The following OR2T11 variants were observed in gnomAD, a reference collection of about 807,000 sequenced individuals.
OR2T11 encodes the protein olfactory receptor 2T11.
Under a neutral mutation model 13.5 loss-of-function variants are expected in OR2T11, and 14 were observed. The observed-to-expected ratio is 1.04, with a 90% CI of 0.69 to 1.62. OR2T11 has a LOEUF of 1.62. Ranked by LOEUF, OR2T11 falls within the 40% of genes most tolerant of loss-of-function variation. The pLI is 0.00. For synonymous variants in OR2T11, 163 were observed against 154.6 expected (o/e 1.05, Z -0.40); for missense variants, 410 against 389.7 (o/e 1.05, Z -0.44).
Position 248,630,425 on chromosome 1 carries a change from TCA to T in OR2T11, c.-144-3155_-144-3154del, listed in dbSNP as rs1414000185. On this transcript the variant is annotated intron_variant, in intron 1 of 1. Transcript: ENST00000641193. ...AGAGTAATTAAGATGTCAGCATAATTCACAAAAAAAGGAGGGACTTGCCACTT... is the reference window on the plus strand; with the variant it reads ...AGAGTAATTAAGATGTCAGCATAATTCAAAAAAAGGAGGGACTTGCCACTT... Among the ~76,000 whole-genome samples the T allele has an allele frequency of 7.2e-4, 8 of 11,060 alleles. 1 individual carries two copies. Among genetic ancestry groups the T allele is most frequent in the Non-Finnish European group, 6.9e-3 (8 of 1,162 alleles). 7.3% of individuals were successfully genotyped at this position (11,060 alleles called of 152,430 possible).
Position 248,627,034 on chromosome 1 carries a change from A to G in OR2T11, c.95T>C (p.Phe32Ser), listed in dbSNP as rs1481942709. Residue 32 changes from phenylalanine (F) to serine (S), a missense_variant, in exon 2 of 2, where the codon TTC becomes TCC. Coordinates refer to ENST00000641193, the MANE Select transcript of OR2T11 (RefSeq NM_001001964.2). ...GIVFTVILAV[F>S]LGAVTANLVM... is the part of the protein sequence containing the mutation. ...CAAATTTGCAGTCACGGCCCCCAAG[A>G]AAACAGCAAGGATCACTGTAAATAC... The G allele has an allele frequency of 5.1e-6, 8 of 1,570,316 alleles. 1 individual carries two copies. The highest frequency in any genetic ancestry group is 3.0e-5 in the African/African-American group (2 of 66,370).
chr1:248,626,556 C>A lies in OR2T11; in HGVS notation c.573G>T (p.Leu191Phe). The A allele has an allele frequency of 1.3e-6, 2 of 1,570,964 alleles. No individual in the cohort carries two copies. Among genetic ancestry groups the A allele is most frequent in the Non-Finnish European group, 1.7e-6 (2 of 1,154,724 alleles). Reference sequence around the variant, plus strand: ...AGCAGATGTACATCAGAGTTTCATACAAGGACGTGTCTGCACAGGCCAGTT... The same window carrying A: ...AGCAGATGTACATCAGAGTTTCATAAAAGGACGTGTCTGCACAGGCCAGTT... Reference protein sequence around the residue: ...VLKLACADTSLYETLMYICCV... With the variant: ...VLKLACADTSFYETLMYICCV... The change falls in exon 2 of 2, where the codon TTG becomes TTT. Residue 191 changes from leucine to phenylalanine, a missense_variant. By Grantham distance (22) the Leu-to-Phe change is conservative. Coordinates refer to ENST00000641193, the MANE Select transcript of OR2T11 (RefSeq NM_001001964.2).
rs780890748 is a variant in OR2T11, at chr1:248,623,803, C to T, written c.*2375G>A. The T allele has an allele frequency of 7.0e-5, 10 of 142,588 alleles. 3 individuals are homozygous for T. The highest frequency in any genetic ancestry group is 2.0e-4 in the East Asian group (1 of 4,954). 8.8% of individuals were successfully genotyped at this position (142,588 alleles called of 1,614,324 possible). A position where few individuals can be genotyped will look rare whatever the true frequency, so the allele number is the denominator to read the frequency against. ...ACCATCCCGAACACACATCATGAAT[C>T]GTCTGACAAATGTGCTGTGCTAAAT... On this transcript the variant is annotated 3_prime_UTR_variant, in exon 2 of 2. Transcript: ENST00000641193.
Position 248,634,460 on chromosome 1 carries a change from ATGC to A in OR2T11, c.-145+575_-145+577del, listed in dbSNP as rs749660813. Among the ~76,000 whole-genome samples, 7 of 143,016 alleles carry A rather than the reference ATGC, an allele frequency of 4.9e-5. 1 individual carries two copies. The highest frequency in any genetic ancestry group is 2.2e-4 in the South Asian group (1 of 4,568). The allele number at this position is 143,016 out of a possible 152,430, so 93.8% of individuals were successfully genotyped here. ...GATTTAGAAGGAAGCACACAGTGAA[ATGC>A]TGCTAAGTGTGTGACATGGTCACGG... On this transcript the variant is annotated intron_variant, in intron 1 of 1. Coordinates refer to ENST00000641193, the MANE Select transcript of OR2T11 (RefSeq NM_001001964.2).
intron 1 of OR2T11, among the ~76,000 whole-genome samples, chr1:248,630,811 A>G (rs1321115686): frequency 2.1e-5 from 3 of 143,656 alleles, no homozygotes; most frequent in Admixed American, 2.0e-4. Context: ...ACCGATGAAT[A>G]TGCTCTCTTA....
In OR2T11 at chr1:248,627,161, G is replaced by A. The variant is rs1233316689; in HGVS notation, c.-33C>T. On this transcript the variant is annotated 5_prime_UTR_variant, in exon 2 of 2. Coordinates refer to ENST00000641193, the MANE Select transcript of OR2T11 (RefSeq NM_001001964.2). ...GCCCACGAGCGTCCCAGGGCAACGG[G>A]AAGACACAAGGACCAGGAAGGAGGC... 1 of 1,252,378 alleles carries A rather than the reference G, an allele frequency of 8.0e-7. No homozygotes were observed. The highest frequency in any genetic ancestry group is 1.1e-6 in the Non-Finnish European group (1 of 879,944). The allele number at this position is 1,252,378 out of a possible 1,614,324, so 77.6% of individuals were successfully genotyped here.
chr1:248,626,188 C>G lies in OR2T11; in HGVS notation c.941G>C (p.Ser314Thr). 1 of 1,496,464 alleles carries G rather than the reference C, an allele frequency of 6.7e-7. No individual in the cohort carries two copies. The allele number at this position is 1,496,464 out of a possible 1,614,324, so 92.7% of individuals were successfully genotyped here. A position where few individuals can be genotyped will look rare whatever the true frequency, so the allele number is the denominator to read the frequency against. ...CTGGGCAGTGACTCTCTAAGCATCA[C>G]TTGTTGCTACTTTCTGAGCAGATGA... ...CCSSAQKVAT[S>T]DA Residue 314 changes from serine to threonine, a missense_variant, in exon 2 of 2, where the codon AGT (serine) becomes ACT (threonine). Transcript: ENST00000641193.
Position 248,634,724 on chromosome 1 carries a change from GC to G in OR2T11, c.-145+313del, listed in dbSNP as rs1660662304. Reference sequence around the variant, plus strand: ...TTTCACAGAATTGTCAGAATTCTTAGCAGAACTTCACTTCATTTAAAGTCAG... The same window carrying G: ...TTTCACAGAATTGTCAGAATTCTTAGAGAACTTCACTTCATTTAAAGTCAG... On this transcript the variant is annotated intron_variant, in intron 1 of 1. Transcript: ENST00000641193. 2.2e-4 allele frequency among the ~76,000 whole-genome samples: 4 copies of G among 17,840 alleles called. 1 individual carries two copies. The highest frequency in any genetic ancestry group is 1.3e-3 in the Non-Finnish European group (3 of 2,354). 11.7% of individuals were successfully genotyped at this position (17,840 alleles called of 152,430 possible). A position where few individuals can be genotyped will look rare whatever the true frequency, so the allele number is the denominator to read the frequency against.
intron 1 of OR2T11, among the ~76,000 whole-genome samples, chr1:248,633,569 CAG>C (rs1376956120): frequency 7.2e-6 from 1 of 139,128 alleles, no homozygotes; most frequent in Non-Finnish European, 1.5e-5. Flanking sequence ...TACAGGGAGA[CAG>C]AAAAGCAGTT....
chr1:248,625,310 G>A lies in OR2T11; in HGVS notation c.*868C>T, dbSNP rs1391804421. ...TTTGTTCTATTTTCCTACACTGTAG[G>A]CATAGTGATGCTTTAAAAACGTGTC... On this transcript the variant is annotated 3_prime_UTR_variant, in exon 2 of 2. Transcript: ENST00000641193. The A allele has an allele frequency of 3.5e-5, 5 of 143,068 alleles. No individual in the cohort carries two copies. Among genetic ancestry groups the A allele is most frequent in the African/African-American group, 1.4e-4 (5 of 36,198 alleles). The allele number at this position is 143,068 out of a possible 1,614,324, so 8.9% of individuals were successfully genotyped here.
intron 1 of OR2T11, among the ~76,000 whole-genome samples, chr1:248,627,498 C>T (rs1660542274): frequency 7.0e-6 from 1 of 142,708 alleles, no homozygotes; most frequent in African/African-American, 2.8e-5. Context: ...TTATCCAGCC[C>T]ATAGTAGGGT....
Position 248,627,088 on chromosome 1 carries a change from A to T in OR2T11, c.41T>A (p.Leu14His). The T allele has an allele frequency of 6.4e-7, 1 of 1,567,738 alleles. No individual in the cohort carries two copies. The highest frequency in any genetic ancestry group is 1.1e-5 in the South Asian group (1 of 88,698). Reference protein sequence around the residue: ...TSSSDFTLLGLLVNSEAAGIV... With the variant: ...TSSSDFTLLGHLVNSEAAGIV... ...CCCGGCAGCCTCACTGTTCACCAGA[A>T]GCCCCAGGAGGGTGAAGTCAGAGGA... The change falls in exon 2 of 2, where the codon CTT (leucine) becomes CAT (histidine). Residue 14 changes from leucine (L) to histidine (H), a missense_variant. Transcript: ENST00000641193.
intron 1 of OR2T11, among the ~76,000 whole-genome samples, chr1:248,631,054 G>C (rs1394307801): frequency 7.0e-6 from 1 of 142,026 alleles, no homozygotes; most frequent in Non-Finnish European, 1.5e-5. Context: ...AACTGGAGAG[G>C]GCTAAGAAAT....
intron 1 of OR2T11, among the ~76,000 whole-genome samples, chr1:248,630,991 C>T (rs1327301867): frequency 7.0e-6 from 1 of 142,530 alleles, no homozygotes; most frequent in East Asian, 2.0e-4. Flanking sequence ...AGTCGGTCTC[C>T]GGGTTTGACG....
At chr1:248,634,944 GCTTTCT>G (rs1251015294) in intron 1 of OR2T11, 88 bp downstream of exon 1, 2 of 144,072 alleles carry the variant, frequency 1.4e-5, no homozygotes, top group Admixed American at 1.4e-4. Flanking sequence ...TAGACTTTAT[GCTTTCT>G]TCTATTACAA....
At chr1:248,632,518 A>G (rs573588069) in intron 1 of OR2T11, among the ~76,000 whole-genome samples, 1 of 137,904 alleles carries the variant, frequency 7.3e-6, no homozygotes, top group Non-Finnish European at 1.5e-5. Flanking sequence ...GATTGGGGAC[A>G]GTTGAGGGAC....
In OR2T11 at chr1:248,627,140, A is replaced by G. The variant is rs1461510446; in HGVS notation, c.-12T>C. 4.2e-6 allele frequency: 6 copies of G among 1,439,730 alleles called. 2 individuals are homozygous for G. The highest frequency in any genetic ancestry group is 3.8e-6 in the Non-Finnish European group (4 of 1,042,832). 89.2% of individuals were successfully genotyped at this position (1,439,730 alleles called of 1,614,324 possible). On this transcript the variant is annotated 5_prime_UTR_variant, in exon 2 of 2. Coordinates refer to ENST00000641193, the MANE Select transcript of OR2T11 (RefSeq NM_001001964.2). ...GATGTGTTCGTCATTGATATGGCCCACGAGCGTCCCAGGGCAACGGGAAGA... is the reference window on the plus strand; with the variant it reads ...GATGTGTTCGTCATTGATATGGCCCGCGAGCGTCCCAGGGCAACGGGAAGA...
At position 248,623,650 on chromosome 1, in the gene OR2T11, C is replaced by G. The variant is rs1660473596; in HGVS notation, c.*2528G>C. 7.0e-6 allele frequency: 1 copy of G among 142,226 alleles called. No homozygotes were observed. Among genetic ancestry groups the G allele is most frequent in the Non-Finnish European group, 1.5e-5 (1 of 66,206 alleles). 8.8% of individuals were successfully genotyped at this position (142,226 alleles called of 1,614,324 possible). ...CTGCAAATTATATGCCTTGGAAAAG[C>G]ATAAATATGACACACTTTATTCACA... On this transcript the variant is annotated 3_prime_UTR_variant, in exon 2 of 2. Transcript: ENST00000641193.
chr1:248,625,048 T>C lies in OR2T11; in HGVS notation c.*1130A>G, dbSNP rs1469814416. 6.9e-6 allele frequency: 1 copy of C among 144,224 alleles called. No individual in the cohort carries two copies. The highest frequency in any genetic ancestry group is 1.5e-5 in the Non-Finnish European group (1 of 66,424). The allele number at this position is 144,224 out of a possible 1,614,324, so 8.9% of individuals were successfully genotyped here. The stretch of plus-strand genomic sequence containing the variant: ...CGGCCTAGCTTAAATACCTAATAGA[T>C]ATTTCCAAATTATCTTAAGTGAATT... On this transcript the variant is annotated 3_prime_UTR_variant, in exon 2 of 2. Coordinates refer to ENST00000641193, the MANE Select transcript of OR2T11 (RefSeq NM_001001964.2).
Sources: allele counts gnomAD v4.1 joint callset (sites outside exome capture counted in the v4.1 genomes callset), GRCh38; gene constraint gnomAD v4.1.1; transcripts MANE v1.5; gene names NCBI Gene and HGNC (gene_info 2026-07-23, HGNC 2026-07-21).